The following FAM186A variants were observed in gnomAD, a reference collection of about 807,000 sequenced individuals.
The protein encoded by FAM186A is family with sequence similarity 186 member A.
In FAM186A, 163 loss-of-function variants were observed where a neutral mutation model predicts 216.8. The observed-to-expected ratio is 0.75, with a 90% CI of 0.66 to 0.86. FAM186A has a LOEUF of 0.86. Among genes scored for constraint, FAM186A ranks in the 40% least tolerant of loss-of-function variants. The pLI is 0.00. For missense variants in FAM186A, 2,184 were observed against 2,746.2 expected (o/e 0.80, Z 4.58); for synonymous variants, 805 against 1,025.3 (o/e 0.79, Z 4.10).
At chr12:50,343,599 G>C (rs573645899) in intron 4 of FAM186A, among the ~76,000 whole-genome samples, 4 of 151,726 alleles carry the variant, frequency 2.6e-5, no homozygotes, top group African/African-American at 9.7e-5. Context: ...CTAATCCATG[G>C]GTTTTTGTTT....
intron 4 of FAM186A, among the ~76,000 whole-genome samples, chr12:50,344,819 A>G (rs4768949): frequency 0.65 from 98,071 of 151,914 alleles, 32,139 homozygotes; most frequent in East Asian, 0.74. Flanking sequence ...ATAAAAAATT[A>G]AAAAATTAGC....
chr12:50,328,143 A>G (rs1467218207), intron 7 of FAM186A, among the ~76,000 whole-genome samples: 1 of 152,218 alleles, frequency 6.6e-6, no homozygotes, highest in Non-Finnish European at 1.5e-5. Flanking sequence ...CTTCAAAGAT[A>G]TTTGGTGTAG....
intron 4 of FAM186A, among the ~76,000 whole-genome samples, chr12:50,345,663 T>G (rs1942804724): frequency 6.6e-6 from 1 of 152,136 alleles, no homozygotes. Flanking sequence ...ATTGTGGGTA[T>G]GGGGCTTTAT....
rs1253221747 is a variant in FAM186A, at chr12:50,355,227, G to T, written c.1605C>A (p.Gly535=). The T allele has an allele frequency of 1.3e-6, 2 of 1,551,496 alleles. No individual in the cohort carries two copies. Among genetic ancestry groups the T allele is most frequent in the East Asian group, 4.9e-5 (2 of 40,908 alleles). ...ACATCATCATACTTGTTCCACTTTTGCCACCTTGGCTCTTTGTTTCAGTTA... is the reference window on the plus strand; with the variant it reads ...ACATCATCATACTTGTTCCACTTTTTCCACCTTGGCTCTTTGTTTCAGTTA... ...LSLTETKSQG[G]KSGTSMMMLE... The change falls in exon 4 of 8, where the codon GGC becomes GGA. Residue 535 remains glycine (G), a synonymous_variant. Coordinates refer to ENST00000327337, the MANE Select transcript of FAM186A (RefSeq NM_001145475.3).
intron 7 of FAM186A, among the ~76,000 whole-genome samples, chr12:50,330,113 G>C (rs748883720): frequency 1.3e-5 from 2 of 152,174 alleles, no homozygotes; most frequent in Non-Finnish European, 2.9e-5. Flanking sequence ...AACAGATTTT[G>C]GAAATGTGGA....
At chr12:50,342,044 A>G (rs780566845) in intron 4 of FAM186A, among the ~76,000 whole-genome samples, 4 of 152,182 alleles carry the variant, frequency 2.6e-5, no homozygotes, top group Non-Finnish European at 5.9e-5. Context: ...ATAATACCAT[A>G]AGAAGTAAAC....
At position 50,389,036 on chromosome 12, in the gene FAM186A, C is replaced by A. The variant is rs1943332567; in HGVS notation, c.192+7257G>T. Among the ~76,000 whole-genome samples the A allele has an allele frequency of 1.3e-5, 2 of 150,152 alleles. 1 individual carries two copies. The highest frequency in any genetic ancestry group is 4.2e-4 in the South Asian group (2 of 4,752). On this transcript the variant is annotated intron_variant, in intron 1 of 7. Coordinates refer to ENST00000327337, the MANE Select transcript of FAM186A (RefSeq NM_001145475.3). The stretch of plus-strand genomic sequence containing the variant: ...TGCCACTACACTCCAGCCTGGGCAA[C>A]AGCAGAGGGAGACTCTGTCATTTAA...
intron 1 of FAM186A, among the ~76,000 whole-genome samples, chr12:50,383,278 A>AAAGAG (rs1555218962): frequency 1.0e-3 from 50 of 49,252 alleles, no homozygotes; most frequent in African/African-American, 2.2e-3. Context: ...AAAAAAAAAA[A>AAAGAG]AGAGAGAGAG....
rs976734744 is a variant in FAM186A at position 50,328,246 on chromosome 12, C to T, written c.7035-842G>A. On this transcript the variant is annotated intron_variant, in intron 7 of 7. Coordinates refer to ENST00000327337, the MANE Select transcript of FAM186A (RefSeq NM_001145475.3). The stretch of plus-strand genomic sequence containing the variant: ...ATATCTATACAATGGGCCAGGTGTG[C>T]CTGTAATCCCAGCTACTTGGGAGAC... 6.6e-5 allele frequency among the ~76,000 whole-genome samples: 10 copies of T among 152,220 alleles called. No individual in the cohort carries two copies. The East Asian group carries it at 1.9e-3, about 29-fold the overall frequency.
chr12:50,348,038 A>ATTTTTTTTTT (rs71083540), intron 4 of FAM186A, among the ~76,000 whole-genome samples: 3 of 81,370 alleles, frequency 3.7e-5, no homozygotes, highest in African/African-American at 5.0e-5. Flanking sequence ...ATGCCTGGTA[A>ATTTTTTTTTT]TTTTTTTTTT....
At chr12:50,339,265 T>C (rs1400936320) in intron 4 of FAM186A, among the ~76,000 whole-genome samples, 1 of 152,124 alleles carries the variant, frequency 6.6e-6, no homozygotes, top group African/African-American at 2.4e-5. Context: ...AATTCCTCCA[T>C]TTTGGCCTCT....
chr12:50,330,123 A>G (rs2138755936), intron 7 of FAM186A, among the ~76,000 whole-genome samples: 1 of 152,328 alleles, frequency 6.6e-6, no homozygotes, highest in African/African-American at 2.4e-5. Context: ...GGAAATGTGG[A>G]GTCATCTCTT....
chr12:50,344,573 A>C (rs766811667), intron 4 of FAM186A, among the ~76,000 whole-genome samples: 1 of 152,220 alleles, frequency 6.6e-6, no homozygotes, highest in African/African-American at 2.4e-5. Context: ...CAATGAGCAG[A>C]CAAGTGCATG....
At chr12:50,340,257 G>T (rs1049853097) in intron 4 of FAM186A, among the ~76,000 whole-genome samples, 2 of 152,098 alleles carry the variant, frequency 1.3e-5, no homozygotes, top group Non-Finnish European at 2.9e-5. Flanking sequence ...CGCCATTATT[G>T]TACTTTCCAC....
chr12:50,362,162 G>A (rs1943042091), intron 2 of FAM186A, among the ~76,000 whole-genome samples: 1 of 151,628 alleles, frequency 6.6e-6, no homozygotes, highest in African/African-American at 2.4e-5. Context: ...TAGTAGAGAC[G>A]AGGTTTCACC....
At chr12:50,335,289 TA>T (rs1179185158) in intron 4 of FAM186A, among the ~76,000 whole-genome samples, 1 of 152,156 alleles carries the variant, frequency 6.6e-6, no homozygotes. Context: ...CTATTTGTAA[TA>T]AAAATTACCT....
At chr12:50,393,368 T>C (rs1222744462) in intron 1 of FAM186A, among the ~76,000 whole-genome samples, 1 of 150,992 alleles carries the variant, frequency 6.6e-6, no homozygotes, top group Non-Finnish European at 1.5e-5. Flanking sequence ...TGAAACCCTG[T>C]CTCTACTAAA....
At chr12:50,363,980 T>C (rs1943063116) in intron 1 of FAM186A, among the ~76,000 whole-genome samples, 2 of 152,210 alleles carry the variant, frequency 1.3e-5, no homozygotes, top group South Asian at 4.1e-4. Flanking sequence ...TTCTTCACTC[T>C]ATCCTAGAAA....
chr12:50,356,074 A>C lies in FAM186A; in HGVS notation c.758T>G (p.Leu253Trp). Reference protein sequence around the residue: ...ELIGTTMFSTLENNAIKYISS... With the variant: ...ELIGTTMFSTWENNAIKYISS... ...TATATATTTAATAGCATTGTTTTCC[A>C]ATGTACTGAACATTGTGGTGCCTAT... The change falls in exon 4 of 8, where the codon TTG becomes TGG. Residue 253 changes from leucine (L) to tryptophan (W), a missense_variant. By Grantham distance (61) the Leu-to-Trp change is moderately conservative. Coordinates refer to ENST00000327337, the MANE Select transcript of FAM186A (RefSeq NM_001145475.3). 6.4e-7 allele frequency: 1 copy of C among 1,551,630 alleles called. No individual in the cohort carries two copies. The highest frequency in any genetic ancestry group is 8.7e-7 in the Non-Finnish European group (1 of 1,146,972).
Sources: allele counts gnomAD v4.1 joint callset (sites outside exome capture counted in the v4.1 genomes callset), GRCh38; gene constraint gnomAD v4.1.1; transcripts MANE v1.5; gene names NCBI Gene and HGNC (gene_info 2026-07-23, HGNC 2026-07-21).